PDE4D: variants seen among roughly 807,000 people sequenced by gnomAD.
The protein encoded by PDE4D is phosphodiesterase 4D.
In PDE4D, 24 loss-of-function variants were observed where a neutral mutation model predicts 87.4. That is an observed-to-expected ratio of 0.27 (90% CI 0.20 to 0.39). The LOEUF is 0.39. Ranked by LOEUF, PDE4D falls within the 10% of genes least tolerant of loss-of-function variation. The pLI is 1.00. For missense variants in PDE4D, 714 were observed against 1,041.0 expected (o/e 0.69, Z 4.32); for synonymous variants, 384 against 383.2 (o/e 1.00, Z -0.02).
At chr5:60,508,235 C>A (rs1750410714) in intron 1 of PDE4D, among the ~76,000 whole-genome samples, 1 of 152,198 alleles carries the variant, frequency 6.6e-6, no homozygotes, top group Admixed American at 6.5e-5. Context: ...CCAAAACCTT[C>A]TTTGACTCTA....
At chr5:59,329,912 C>A (rs1015093121) in intron 1 of PDE4D, among the ~76,000 whole-genome samples, 2 of 152,124 alleles carry the variant, frequency 1.3e-5, no homozygotes, top group African/African-American at 4.8e-5. Context: ...AAAGTGTTTT[C>A]TTTTGCAGAT....
intron 1 of PDE4D, among the ~76,000 whole-genome samples, chr5:59,418,450 A>G (rs1562149950): frequency 1.3e-5 from 2 of 152,162 alleles, no homozygotes; most frequent in Non-Finnish European, 2.9e-5. Context: ...GCATAACTGA[A>G]TGCAAGCTGC....
chr5:59,647,207 G>A (rs1391304363), intron 1 of PDE4D, among the ~76,000 whole-genome samples: 1 of 152,048 alleles, frequency 6.6e-6, no homozygotes, highest in Non-Finnish European at 1.5e-5. Context: ...CATGACAAAG[G>A]AGAGACCACA....
intron 1 of PDE4D, among the ~76,000 whole-genome samples, chr5:59,498,837 C>G (rs372991127): frequency 5.9e-5 from 9 of 151,976 alleles, no homozygotes; most frequent in Non-Finnish European, 8.8e-5. Flanking sequence ...TAGTGGGGAA[C>G]TTCAGCACAC....
chr5:60,140,751 A>G (rs997781120), intron 2 of PDE4D, among the ~76,000 whole-genome samples: 7 of 152,120 alleles, frequency 4.6e-5, no homozygotes, highest in Admixed American at 1.3e-4. Flanking sequence ...AAACTGTAGA[A>G]CCTAACAAAG....
chr5:60,428,269 A>G (rs945124018), intron 1 of PDE4D, among the ~76,000 whole-genome samples: 5 of 152,112 alleles, frequency 3.3e-5, no homozygotes, highest in African/African-American at 1.2e-4. Context: ...AGGAAGATAA[A>G]TGATAAACAG....
At chr5:59,970,013 G>A (rs369999258) in intron 3 of PDE4D, among the ~76,000 whole-genome samples, 6 of 152,146 alleles carry the variant, frequency 3.9e-5, no homozygotes, top group Non-Finnish European at 8.8e-5. Context: ...GGAGAACAAG[G>A]ACACCTGTAA....
chr5:60,033,894 T>C (rs931985409), intron 2 of PDE4D, among the ~76,000 whole-genome samples: 1 of 152,202 alleles, frequency 6.6e-6, no homozygotes, highest in Admixed American at 6.5e-5. Flanking sequence ...AAAATATTGC[T>C]AAGACATAGT....
intron 6 of PDE4D, among the ~76,000 whole-genome samples, chr5:59,021,359 T>C (rs1180824975): frequency 6.6e-6 from 1 of 152,172 alleles, no homozygotes; most frequent in Non-Finnish European, 1.5e-5. Context: ...TGCAAGCTGG[T>C]AAGGTCTCAT....
chr5:59,093,601 C>T (rs1176369904), intron 5 of PDE4D, among the ~76,000 whole-genome samples: 1 of 152,160 alleles, frequency 6.6e-6, no homozygotes, highest in Non-Finnish European at 1.5e-5. Context: ...GATTGAACAA[C>T]CTATGATGCA....
At chr5:59,966,199 C>T (rs140561497) in intron 3 of PDE4D, among the ~76,000 whole-genome samples, 1 of 152,148 alleles carries the variant, frequency 6.6e-6, no homozygotes, top group Non-Finnish European at 1.5e-5. Flanking sequence ...AATAACATCT[C>T]TCTACTTGAG....
At chr5:60,381,971 C>A (rs1369328416) in intron 1 of PDE4D, among the ~76,000 whole-genome samples, 1 of 152,140 alleles carries the variant, frequency 6.6e-6, no homozygotes, top group Non-Finnish European at 1.5e-5. Context: ...TTCAATTCAT[C>A]ATGAAAGATT....
At chr5:59,135,931 G>C (rs557598215) in intron 5 of PDE4D, among the ~76,000 whole-genome samples, 1 of 151,752 alleles carries the variant, frequency 6.6e-6, no homozygotes, top group Admixed American at 6.6e-5. Context: ...GTACTGCACC[G>C]AATGCCAGGA....
intron 1 of PDE4D, among the ~76,000 whole-genome samples, chr5:59,534,852 G>C (rs975257310): frequency 7.9e-5 from 12 of 152,144 alleles, no homozygotes; most frequent in African/African-American, 2.9e-4. Flanking sequence ...CAAAAGGCCA[G>C]GCCAAAGCAG....
intron 1 of PDE4D, among the ~76,000 whole-genome samples, chr5:59,358,713 G>A (rs1045588151): frequency 2.0e-5 from 3 of 151,916 alleles, no homozygotes; most frequent in African/African-American, 7.3e-5. Context: ...CAGCTGGTGG[G>A]GTGAGGTGGC....
intron 1 of PDE4D, among the ~76,000 whole-genome samples, chr5:59,429,869 T>C (rs942541684): frequency 6.6e-6 from 1 of 152,188 alleles, no homozygotes; most frequent in Non-Finnish European, 1.5e-5. Context: ...CAAATGTTTT[T>C]GTAGAATTAT....
intron 2 of PDE4D, among the ~76,000 whole-genome samples, chr5:60,060,384 T>G (rs947292521): frequency 6.6e-6 from 1 of 152,114 alleles, no homozygotes; most frequent in Non-Finnish European, 1.5e-5. Context: ...TCTGTTCCCA[T>G]GTGTGGAGAC....
chr5:60,375,649 T>C (rs1335212123), intron 1 of PDE4D, among the ~76,000 whole-genome samples: 4 of 152,192 alleles, frequency 2.6e-5, no homozygotes, highest in African/African-American at 9.6e-5. Context: ...GGCTTATCAG[T>C]GAAAGCCAGT....
At chr5:59,976,002 C>T (rs1478116156) in intron 3 of PDE4D, among the ~76,000 whole-genome samples, 2 of 152,132 alleles carry the variant, frequency 1.3e-5, no homozygotes, top group African/African-American at 4.8e-5. Flanking sequence ...TTTTCTTGCA[C>T]GTGCCCTACT....
Sources: gnomAD v4.1 joint callset for allele counts (sites outside exome capture counted in the v4.1 genomes callset) on GRCh38, gnomAD v4.1.1 for gene constraint, MANE v1.5 for transcripts, NCBI Gene and HGNC (gene_info 2026-07-23, HGNC 2026-07-21) for gene names.